The following TAB3 variants were observed in gnomAD, a reference collection of about 807,000 sequenced individuals.
TAB3 encodes TGF-beta-activated kinase 1 and MAP3K7-binding protein 3.
In TAB3, 18 loss-of-function variants were observed where a neutral mutation model predicts 48.1. The ratio of observed to expected loss-of-function variants is 0.37; its 90% confidence interval spans 0.26 to 0.55. The LOEUF is 0.55. Ranked by LOEUF, TAB3 falls within the 20% of genes least tolerant of loss-of-function variation. TAB3 has a pLI of 0.78. For synonymous variants in TAB3, 185 were observed against 190.2 expected, an observed-to-expected ratio of 0.97 and a Z score of 0.22; for missense variants, 414 against 549.8, an observed-to-expected ratio of 0.75 and a Z score of 2.47.
At chrX:30,834,539 T>G in intron 9 of TAB3, 1 of 122,782 alleles carries the variant, frequency 8.1e-6, no homozygotes, top group Non-Finnish European at 1.7e-5. Context: ...ATTTAAAAAT[T>G]ATTTTAAAAT....
At position 30,854,447 on chromosome X, in the gene TAB3, AGGT is replaced by A. The variant is rs768841539; in HGVS notation, c.1215_1217del (p.Pro406del). ...ATATCCCTCTTGAAGGAGAACTTGAAGGTGGCGTGGTGGCTGTGTACAGTGAGT... is the reference window on the plus strand; with the variant it reads ...ATATCCCTCTTGAAGGAGAACTTGAAGGCGTGGTGGCTGTGTACAGTGAGT... On this transcript the variant is annotated inframe_deletion, in exon 6 of 11. Transcript: ENST00000288422. The A allele has an allele frequency of 9.1e-6, 11 of 1,211,587 alleles. No homozygotes were observed. The highest frequency in any genetic ancestry group is 1.2e-5 in the Non-Finnish European group (11 of 895,400).
At chrX:30,866,340 C>A (rs1046297675) in intron 4 of TAB3, among the ~76,000 whole-genome samples, 1 of 110,637 alleles carries the variant, frequency 9.0e-6, no homozygotes, top group Non-Finnish European at 1.9e-5. Flanking sequence ...ATAGAGGCAA[C>A]AATACCCCAG....
intron 4 of TAB3, among the ~76,000 whole-genome samples, chrX:30,865,305 G>A (rs1292167322): frequency 8.9e-6 from 1 of 112,387 alleles, no homozygotes; most frequent in African/African-American, 3.2e-5. Context: ...AATGAGGTGA[G>A]TGAGCATTTC....
At chrX:30,870,668 T>C (rs908919116) in intron 2 of TAB3, among the ~76,000 whole-genome samples, 4 of 112,704 alleles carry the variant, frequency 3.5e-5, no homozygotes, top group Admixed American at 9.4e-5. Context: ...CCACATCATC[T>C]AACCCAGTAG....
chrX:30,868,615 A>C (rs1398989160), intron 2 of TAB3, among the ~76,000 whole-genome samples: 2 of 72,411 alleles, frequency 2.8e-5, no homozygotes, highest in African/African-American at 1.1e-4. Flanking sequence ...AGAGAGAGAG[A>C]GAGCGCGTGG....
rs1040009273 is a variant in TAB3, at chrX:30,876,086, C to T, written c.-382-4285G>A. 2.7e-5 allele frequency among the ~76,000 whole-genome samples: 3 copies of T among 112,122 alleles called. No individual in the cohort carries two copies. The Admixed American group carries it at 2.8e-4, about 11-fold the overall frequency. On this transcript the variant is annotated intron_variant, in intron 1 of 10. Transcript: ENST00000288422. ...TTCGGGTTGGGACCCTGAAGGGCTGCAACTTAGAAATAAGGGTGAATCGCA... is the reference window on the plus strand; with the variant it reads ...TTCGGGTTGGGACCCTGAAGGGCTGTAACTTAGAAATAAGGGTGAATCGCA...
chrX:30,859,512 C>A lies in TAB3; in HGVS notation c.77G>T (p.Gly26Val). Reference sequence around the variant, plus strand: ...CTGTAACATGCACTGAGACACCACGCCCTCTGGAATTTCAGGGAAACGTTG... The same window carrying A: ...CTGTAACATGCACTGAGACACCACGACCTCTGGAATTTCAGGGAAACGTTG... Reference protein sequence around the residue: ...LRQRFPEIPEGVVSQCMLQNN... With the variant: ...LRQRFPEIPEVVVSQCMLQNN... Residue 26 changes from glycine (G) to valine (V), a missense_variant, in exon 5 of 11, where the codon GGC (glycine) becomes GTC (valine). Transcript: ENST00000288422. 1 of 1,209,723 alleles carries A rather than the reference C, an allele frequency of 8.3e-7. No individual in the cohort carries two copies. Among genetic ancestry groups the A allele is most frequent in the Non-Finnish European group, 1.1e-6 (1 of 894,361 alleles).
intron 5 of TAB3, among the ~76,000 whole-genome samples, chrX:30,858,973 C>T (rs1293496506): frequency 9.0e-6 from 1 of 111,607 alleles, no homozygotes; most frequent in Non-Finnish European, 1.9e-5. Context: ...TAAAAAAAGA[C>T]TCAAAAGTGT....
At chrX:30,872,302 C>T (rs910390763) in intron 1 of TAB3, among the ~76,000 whole-genome samples, 2 of 111,650 alleles carry the variant, frequency 1.8e-5, no homozygotes, top group South Asian at 3.7e-4. Context: ...AATTCCCATA[C>T]CCCAAGTAAG....
rs1295160605 is a variant in TAB3, at chrX:30,828,744, G to A, written c.*2683C>T. ...TAAAGAAACCTCTTACAAGAAACAAGAAGTGCACCAGCTGATCCAGCTGGC... is the reference window on the plus strand; with the variant it reads ...TAAAGAAACCTCTTACAAGAAACAAAAAGTGCACCAGCTGATCCAGCTGGC... On this transcript the variant is annotated 3_prime_UTR_variant, in exon 11 of 11. Transcript: ENST00000288422. 2 of 111,778 alleles carry A rather than the reference G, an allele frequency of 1.8e-5. No individual in the cohort carries two copies. The highest frequency in any genetic ancestry group is 3.8e-5 in the Non-Finnish European group (2 of 53,148). 9.2% of individuals were successfully genotyped at this position (111,778 alleles called of 1,213,427 possible).
intron 10 of TAB3, among the ~76,000 whole-genome samples, chrX:30,833,258 C>G (rs933684809): frequency 2.5e-4 from 27 of 109,939 alleles, no homozygotes; most frequent in Admixed American, 2.3e-3. Context: ...TGTGAGCCAC[C>G]GCACCCGGCC....
At chrX:30,874,957 A>G (rs1018940118) in intron 1 of TAB3, among the ~76,000 whole-genome samples, 2 of 112,143 alleles carry the variant, frequency 1.8e-5, no homozygotes, top group African/African-American at 6.5e-5. Flanking sequence ...ATGAGAAAGG[A>G]CTAGTGACAC....
chrX:30,881,351 GTTTT>G (rs1169627558), intron 1 of TAB3, among the ~76,000 whole-genome samples: 1 of 109,767 alleles, frequency 9.1e-6, no homozygotes, highest in Non-Finnish European at 1.9e-5. Context: ...TCAGTAAGAG[GTTTT>G]TTGTTTTTTT....
chrX:30,854,630 G>T lies in TAB3; in HGVS notation c.1035C>A (p.Ser345Arg). ...TGTATGGAAGATAGGCTACTGAATG[G>T]CTTCCCTGTTTCTGATAGCTAGGAG... ...QGPPSYQKQG[S>R]HSVAYLPYTA... The change falls in exon 6 of 11, where the codon AGC becomes AGA. Residue 345 changes from serine (S) to arginine (R), a missense_variant. Transcript: ENST00000288422. The T allele has an allele frequency of 8.3e-7, 1 of 1,211,256 alleles. No homozygotes were observed. The highest frequency in any genetic ancestry group is 1.1e-6 in the Non-Finnish European group (1 of 894,922).
intron 9 of TAB3, among the ~76,000 whole-genome samples, chrX:30,842,716 C>T (rs1938493046): frequency 9.0e-6 from 1 of 110,720 alleles, no homozygotes; most frequent in Non-Finnish European, 1.9e-5. Flanking sequence ...ACACCAGCTA[C>T]TTGGGAGGCT....
At position 30,846,558 on chromosome X, in the gene TAB3, T is replaced by C; in HGVS notation, c.1797A>G (p.Gln599=). The C allele has an allele frequency of 8.4e-7, 1 of 1,188,863 alleles. No individual in the cohort carries two copies. Among genetic ancestry groups the C allele is most frequent in the African/African-American group, 1.7e-5 (1 of 57,442 alleles). Residue 599 remains glutamine (Q), a synonymous_variant, in exon 8 of 11, where the codon CAA becomes CAG. Coordinates refer to ENST00000288422, the MANE Select transcript of TAB3 (RefSeq NM_152787.5). ...DCTLKEVDLL[Q]SRGNFDPKAM... is the part of the protein sequence containing the mutation. The stretch of plus-strand genomic sequence containing the variant: ...AAATAATCAAGTCTATACCTCTAGA[T>C]TGAAGGAGGTCAACTTCTTTCAGTG...
At chrX:30,834,283 C>T in intron 9 of TAB3, 131 bp from the exon 10 acceptor site, 2 of 522,435 alleles carry the variant, frequency 3.8e-6, no homozygotes, top group Non-Finnish European at 3.2e-6. Flanking sequence ...TTCATGTTAC[C>T]TTTAGCAAGG....
rs1407772886 is a variant in TAB3, at chrX:30,852,876, C to T, written c.1612G>A (p.Glu538Lys). 1 of 1,209,878 alleles carries T rather than the reference C, an allele frequency of 8.3e-7. No homozygotes were observed. The highest frequency in any genetic ancestry group is 1.1e-6 in the Non-Finnish European group (1 of 895,140). The change falls in exon 7 of 11, where the codon GAG (glutamate) becomes AAG (lysine). Residue 538 changes from glutamate to lysine, a missense_variant. Physicochemically the swap from Glu to Lys is moderately conservative, Grantham distance 56. Transcript: ENST00000288422. ...RLAKQLKLEK[E>K]ELERLKSEVN... ...TCAGACTTCAACCGCTCTAGCTCCT[C>T]TTTCTCAAGTTTCAGTTGCTTTGCT...
chrX:30,854,384 C>T lies in TAB3; in HGVS notation c.1281G>A (p.Val427=). The T allele has an allele frequency of 2.5e-6, 3 of 1,211,628 alleles. No individual in the cohort carries two copies. The highest frequency in any genetic ancestry group is 3.4e-6 in the Non-Finnish European group (3 of 895,454). ...QPKPPFSVNP[V]YITYTQPTGP... ...CAGTTGGCTGTGTATATGTAATATA[C>T]ACAGGATTAACACTAAATGGAGGTT... The change falls in exon 6 of 11, where the codon GTG becomes GTA. Residue 427 remains valine (V), a synonymous_variant. Transcript: ENST00000288422.
Sources: allele counts gnomAD v4.1 joint callset (sites outside exome capture counted in the v4.1 genomes callset), GRCh38; gene constraint gnomAD v4.1.1; transcripts MANE v1.5; gene names NCBI Gene and HGNC (gene_info 2026-07-23, HGNC 2026-07-21).